CAMK2B: variants seen among roughly 807,000 people sequenced by gnomAD.
The protein encoded by CAMK2B is calcium/calmodulin-dependent protein kinase type II subunit beta.
CAMK2B carries 27 observed loss-of-function variants against 93.7 expected under a neutral mutation model. That is an observed-to-expected ratio of 0.29 (90% CI 0.21 to 0.40). The LOEUF is 0.40. CAMK2B is among the 10% of genes least tolerant of loss of function. The probability of loss-of-function intolerance (pLI) is 1.00; values close to 1 mark genes in which losing one functional copy is unlikely to be tolerated. For synonymous variants in CAMK2B, 374 were observed against 358.8 expected, an observed-to-expected ratio of 1.04 and a Z score of -0.48; for missense variants, 568 against 895.8, an observed-to-expected ratio of 0.63 and a Z score of 4.67.
intron 1 of CAMK2B, among the ~76,000 whole-genome samples, chr7:44,285,283 A>G (rs1173948811): frequency 6.6e-6 from 1 of 152,248 alleles, no homozygotes; most frequent in Non-Finnish European, 1.5e-5. Flanking sequence ...GAAATGTCAC[A>G]TGAAGGGTCT....
intron 5 of CAMK2B, among the ~76,000 whole-genome samples, chr7:44,253,531 A>C (rs2096800764): frequency 6.6e-6 from 1 of 152,210 alleles, no homozygotes; most frequent in South Asian, 2.1e-4. Flanking sequence ...GTTTTTAAAT[A>C]GACAAAGATA....
At chr7:44,320,058 CT>C in intron 1 of CAMK2B, among the ~76,000 whole-genome samples, 1 of 152,258 alleles carries the variant, frequency 6.6e-6, no homozygotes, top group East Asian at 1.9e-4. Context: ...ACGGCACGTA[CT>C]TCTGTATTAC....
At chr7:44,241,550 T>G (rs1158813231) in intron 11 of CAMK2B, 150 bp downstream of exon 11, 2 of 671,370 alleles carry the variant, frequency 3.0e-6, no homozygotes, top group East Asian at 2.6e-5. Flanking sequence ...TGAGTTCACC[T>G]GATGCATCCA....
chr7:44,273,847 G>A (rs1048994000), intron 2 of CAMK2B, among the ~76,000 whole-genome samples: 3 of 152,174 alleles, frequency 2.0e-5, no homozygotes, highest in African/African-American at 7.2e-5. Context: ...TCATCCCTGA[G>A]CAGATGCCTG....
At chr7:44,233,068 G>T (rs1275668361) in intron 15 of CAMK2B, among the ~76,000 whole-genome samples, 1 of 152,090 alleles carries the variant, frequency 6.6e-6, no homozygotes, top group Non-Finnish European at 1.5e-5. Context: ...AGCCGGCAGG[G>T]ATGGAATGGA....
chr7:44,304,089 AC>A (rs1790805675), intron 1 of CAMK2B, among the ~76,000 whole-genome samples: 1 of 152,238 alleles, frequency 6.6e-6, no homozygotes, highest in Non-Finnish European at 1.5e-5. Flanking sequence ...GAATTCTGAC[AC>A]CACCAAATGA....
At chr7:44,228,960 G>C in intron 18 of CAMK2B, 36 bp from the exon 19 acceptor site, 2 of 1,602,048 alleles carry the variant, frequency 1.2e-6, no homozygotes, top group Non-Finnish European at 1.7e-6. Context: ...ACATGAGGCA[G>C]ACAGACACAC....
intron 1 of CAMK2B, among the ~76,000 whole-genome samples, chr7:44,319,489 A>C (rs1456872284): frequency 2.6e-5 from 4 of 152,196 alleles, no homozygotes. Context: ...CGGGATTCCT[A>C]GAAAAGGGGG....
At chr7:44,319,576 C>A (rs973138768) in intron 1 of CAMK2B, among the ~76,000 whole-genome samples, 1 of 152,160 alleles carries the variant, frequency 6.6e-6, no homozygotes, top group African/African-American at 2.4e-5. Context: ...CCTTTGACCG[C>A]GGCAGGAGTC....
intron 1 of CAMK2B, among the ~76,000 whole-genome samples, chr7:44,296,406 G>C (rs958981835): frequency 2.0e-5 from 3 of 151,770 alleles, no homozygotes; most frequent in Admixed American, 6.6e-5. Context: ...AGACAAAAAA[G>C]AATGAAAAAG....
chr7:44,301,019 A>C (rs1381311515), intron 1 of CAMK2B, among the ~76,000 whole-genome samples: 3 of 152,248 alleles, frequency 2.0e-5, no homozygotes, highest in Admixed American at 2.0e-4. Flanking sequence ...CACACTTCTA[A>C]ATGACACACA....
At chr7:44,287,416 C>T (rs1477300708) in intron 1 of CAMK2B, among the ~76,000 whole-genome samples, 1 of 152,198 alleles carries the variant, frequency 6.6e-6, no homozygotes, top group African/African-American at 2.4e-5. Context: ...CCTGCCATCT[C>T]CCCGGGGAAC....
At chr7:44,253,659 A>T (rs191272632) in intron 5 of CAMK2B, among the ~76,000 whole-genome samples, 1 of 152,228 alleles carries the variant, frequency 6.6e-6, no homozygotes, top group African/African-American at 2.4e-5. Flanking sequence ...GTGCAGTGGC[A>T]CAATCTCGGC....
chr7:44,279,489 G>T (rs373377435), intron 2 of CAMK2B, among the ~76,000 whole-genome samples: 1 of 152,190 alleles, frequency 6.6e-6, no homozygotes, highest in African/African-American at 2.4e-5. Context: ...GGCATCCTGC[G>T]GGAAGGTCAC....
chr7:44,293,818 G>T (rs564089507), intron 1 of CAMK2B, among the ~76,000 whole-genome samples: 1 of 152,122 alleles, frequency 6.6e-6, no homozygotes, highest in African/African-American at 2.4e-5. Flanking sequence ...GTACTGGTCC[G>T]TGGCCTGAGG....
chr7:44,296,889 T>C (rs983887532), intron 1 of CAMK2B, among the ~76,000 whole-genome samples: 3 of 152,012 alleles, frequency 2.0e-5, no homozygotes, highest in Non-Finnish European at 2.9e-5. Flanking sequence ...GTCACCAGCA[T>C]ACCTGCCTTA....
In CAMK2B at chr7:44,219,267, T is replaced by G. The variant is rs1448473367; in HGVS notation, c.*258A>C. 13 of 144,740 alleles carry G rather than the reference T, an allele frequency of 9.0e-5. 1 individual carries two copies. In the Admixed American group the frequency reaches 9.1e-4, roughly 10 times the overall value. 9.0% of individuals were successfully genotyped at this position (144,740 alleles called of 1,614,324 possible). On this transcript the variant is annotated 3_prime_UTR_variant, in exon 24 of 24. Transcript: ENST00000395749. ...CCAGTGATTTTTACAGCTTTTTCCT[T>G]CCTTTAGTTTTTTTTGTTTTTTTTT...
intron 2 of CAMK2B, among the ~76,000 whole-genome samples, chr7:44,277,808 C>T (rs1003960541): frequency 2.0e-5 from 3 of 152,144 alleles, no homozygotes; most frequent in Admixed American, 6.5e-5. Context: ...CCATCCCCCA[C>T]CTCCCTGAAT....
In CAMK2B at chr7:44,281,932, CA is replaced by C. The variant is rs2097105386; in HGVS notation, c.160+2198del. 2.6e-5 allele frequency among the ~76,000 whole-genome samples: 4 copies of C among 152,328 alleles called. No homozygotes were observed. In the East Asian group the frequency reaches 5.8e-4, roughly 22 times the overall value. The stretch of plus-strand genomic sequence containing the variant: ...TGGGAACCTGAAGCATCTTCCCAAG[CA>C]GGAACCAGAAGGACCTCTCATTCTC... On this transcript the variant is annotated intron_variant, in intron 2 of 23. Coordinates refer to ENST00000395749, the MANE Select transcript of CAMK2B (RefSeq NM_001220.5).
Sources: allele counts gnomAD v4.1 joint callset (sites outside exome capture counted in the v4.1 genomes callset), GRCh38; gene constraint gnomAD v4.1.1; transcripts MANE v1.5; gene names NCBI Gene and HGNC (gene_info 2026-07-23, HGNC 2026-07-21).